AUTS2: variants seen among roughly 807,000 people sequenced by gnomAD.
The protein encoded by AUTS2 is activator of transcription and developmental regulator AUTS2.
A neutral mutation model predicts 112.4 loss-of-function variants in AUTS2; 17 were observed. The observed-to-expected ratio is 0.15, with a 90% CI of 0.10 to 0.23. The LOEUF is 0.23. Among genes scored for constraint, AUTS2 ranks in the 10% least tolerant of loss-of-function variants. The probability of loss-of-function intolerance (pLI) is 1.00; values close to 1 mark genes in which losing one functional copy is unlikely to be tolerated. For synonymous variants in AUTS2, 751 were observed against 702.7 expected (o/e 1.07, Z -1.09); for missense variants, 1,510 against 1,701.6 (o/e 0.89, Z 1.98).
intron 6 of AUTS2, among the ~76,000 whole-genome samples, chr7:70,744,614 G>A (rs544107019): frequency 4.6e-5 from 7 of 152,280 alleles, no homozygotes; most frequent in Non-Finnish European, 8.8e-5. Context: ...CCTGGCTGCC[G>A]GGCGCATGCC....
chr7:70,765,014 G>A lies in AUTS2; in HGVS notation c.1468+9G>A, dbSNP rs1456217640. ...CGGGAGCACTTACTCAGGTAGGACG[G>A]AGGGGCCTGTGCTCGTGACCCCGAC... is the stretch of plus-strand genomic sequence containing the variant. On this transcript the variant is annotated intron_variant, in intron 8 of 18. Coordinates refer to ENST00000342771, the MANE Select transcript of AUTS2 (RefSeq NM_015570.4). 1.2e-6 allele frequency: 2 copies of A among 1,613,684 alleles called. No individual in the cohort carries two copies. The highest frequency in any genetic ancestry group is 1.7e-6 in the Non-Finnish European group (2 of 1,179,914).
At chr7:70,738,233 C>T (rs1212583600) in intron 6 of AUTS2, among the ~76,000 whole-genome samples, 2 of 152,130 alleles carry the variant, frequency 1.3e-5, no homozygotes, top group Non-Finnish European at 2.9e-5. Context: ...AAACAAATGA[C>T]CCGTTCTCAC....
At chr7:70,008,726 C>T (rs1448450423) in intron 2 of AUTS2, among the ~76,000 whole-genome samples, 1 of 152,132 alleles carries the variant, frequency 6.6e-6, no homozygotes, top group Non-Finnish European at 1.5e-5. Context: ...TTGGAGATTT[C>T]TGAAAATTTT....
intron 4 of AUTS2, among the ~76,000 whole-genome samples, chr7:70,370,314 A>G (rs1259323044): frequency 8.6e-5 from 13 of 151,902 alleles, no homozygotes; most frequent in Admixed American, 2.0e-4. Flanking sequence ...CCCTATCCAT[A>G]CCTCCTTCCT....
chr7:69,845,800 T>C (rs1377833558), intron 1 of AUTS2, among the ~76,000 whole-genome samples: 1 of 152,154 alleles, frequency 6.6e-6, no homozygotes, highest in African/African-American at 2.4e-5. Context: ...CTGTACTCTT[T>C]CCTCTTCTCT....
intron 2 of AUTS2, among the ~76,000 whole-genome samples, chr7:69,962,554 G>A (rs1797473592): frequency 1.3e-5 from 2 of 152,164 alleles, no homozygotes; most frequent in Non-Finnish European, 2.9e-5. Context: ...TTGCATTGCA[G>A]TTGAAGTTAT....
intron 2 of AUTS2, among the ~76,000 whole-genome samples, chr7:69,985,684 G>A (rs1355430607): frequency 6.6e-6 from 1 of 151,640 alleles, no homozygotes; most frequent in Non-Finnish European, 1.5e-5. Flanking sequence ...GTTCCATTCT[G>A]TACTGTAGCT....
intron 5 of AUTS2, among the ~76,000 whole-genome samples, chr7:70,661,325 T>C (rs1807059110): frequency 6.6e-6 from 1 of 152,104 alleles, no homozygotes; most frequent in Non-Finnish European, 1.5e-5. Context: ...AGAATTAGGT[T>C]GCAGGAATGA....
chr7:70,580,340 A>T (rs975605976), intron 5 of AUTS2, among the ~76,000 whole-genome samples: 3 of 152,132 alleles, frequency 2.0e-5, no homozygotes, highest in African/African-American at 7.2e-5. Context: ...CATCATTGAC[A>T]TTCCAGGAGG....
At chr7:70,752,457 T>G (rs1175841094) in intron 6 of AUTS2, among the ~76,000 whole-genome samples, 2 of 152,200 alleles carry the variant, frequency 1.3e-5, no homozygotes, top group African/African-American at 4.8e-5. Context: ...GGGAACGTGT[T>G]ATAGATATAA....
chr7:69,616,453 A>G (rs1189403169), intron 1 of AUTS2, among the ~76,000 whole-genome samples: 1 of 152,140 alleles, frequency 6.6e-6, no homozygotes, highest in Non-Finnish European at 1.5e-5. Flanking sequence ...CCGAGGGACC[A>G]TGTGATAGAG....
chr7:70,420,585 T>C (rs1795177587), intron 4 of AUTS2, among the ~76,000 whole-genome samples: 1 of 152,234 alleles, frequency 6.6e-6, no homozygotes, highest in Non-Finnish European at 1.5e-5. Flanking sequence ...CAATAAACTC[T>C]GGCCGAGGCA....
chr7:69,879,904 A>G (rs1184592367), intron 1 of AUTS2, among the ~76,000 whole-genome samples: 1 of 152,162 alleles, frequency 6.6e-6, no homozygotes, highest in African/African-American at 2.4e-5. Context: ...GGCTTAGACA[A>G]TTCTACCATG....
chr7:70,097,329 A>C (rs139166013), intron 2 of AUTS2, among the ~76,000 whole-genome samples: 1 of 152,320 alleles, frequency 6.6e-6, no homozygotes, highest in African/African-American at 2.4e-5. Context: ...AAGGCCCTAT[A>C]TAGATCATTC....
chr7:69,707,064 T>G (rs1256417554), intron 1 of AUTS2, among the ~76,000 whole-genome samples: 1 of 152,214 alleles, frequency 6.6e-6, no homozygotes, highest in African/African-American at 2.4e-5. Flanking sequence ...AGAGAACACC[T>G]GAATTACTCC....
chr7:69,741,371 T>C (rs1181489102), intron 1 of AUTS2, among the ~76,000 whole-genome samples: 1 of 152,186 alleles, frequency 6.6e-6, no homozygotes, highest in East Asian at 1.9e-4. Flanking sequence ...ATTGTTTTAG[T>C]AATTACCCTT....
intron 4 of AUTS2, among the ~76,000 whole-genome samples, chr7:70,229,925 A>G (rs1385976828): frequency 1.3e-5 from 2 of 152,050 alleles, no homozygotes; most frequent in Non-Finnish European, 2.9e-5. Context: ...AAGAATTTCT[A>G]CCCTTTTATT....
chr7:69,758,701 T>C (rs1011670838), intron 1 of AUTS2, among the ~76,000 whole-genome samples: 1 of 152,212 alleles, frequency 6.6e-6, no homozygotes, highest in African/African-American at 2.4e-5. Context: ...GTATTGTCCT[T>C]AAAAATTGCC....
intron 1 of AUTS2, among the ~76,000 whole-genome samples, chr7:69,875,000 G>T (rs1279885357): frequency 6.6e-6 from 1 of 151,322 alleles, no homozygotes; most frequent in Admixed American, 6.6e-5. Flanking sequence ...CTGAACCTTC[G>T]ATGATTATCT....
Sources: gnomAD v4.1 joint callset for allele counts (sites outside exome capture counted in the v4.1 genomes callset) on GRCh38, gnomAD v4.1.1 for gene constraint, MANE v1.5 for transcripts, NCBI Gene and HGNC (gene_info 2026-07-23, HGNC 2026-07-21) for gene names.